NCKAP5: variants seen among roughly 807,000 people sequenced by gnomAD.
NCKAP5 encodes NCK associated protein 5.
Under a neutral mutation model 167.0 loss-of-function variants are expected in NCKAP5, and 92 were observed. The ratio of observed to expected loss-of-function variants is 0.55; its 90% CI spans 0.47 to 0.66. NCKAP5 has a LOEUF of 0.66. Ranked by LOEUF, NCKAP5 falls within the 30% of genes least tolerant of loss-of-function variation. The pLI is 0.00. For missense variants in NCKAP5, 2,378 were observed against 2,315.0 expected, an observed-to-expected ratio of 1.03 and a Z score of -0.56; for synonymous variants, 891 against 877.4, an observed-to-expected ratio of 1.02 and a Z score of -0.27.
chr2:133,007,498 T>C (rs2078008542), intron 6 of NCKAP5, among the ~76,000 whole-genome samples: 1 of 152,136 alleles, frequency 6.6e-6, no homozygotes, highest in Admixed American at 6.5e-5. Flanking sequence ...TAGAGAATAA[T>C]CTATTATACT....
At chr2:133,188,018 G>C (rs775203722) in intron 5 of NCKAP5, among the ~76,000 whole-genome samples, 3 of 152,050 alleles carry the variant, frequency 2.0e-5, no homozygotes, top group Admixed American at 6.6e-5. Context: ...CTGTCATCAT[G>C]ATGTTAGCTG....
At chr2:132,819,610 C>A (rs371014023) in intron 11 of NCKAP5, among the ~76,000 whole-genome samples, 1 of 150,974 alleles carries the variant, frequency 6.6e-6, no homozygotes, top group African/African-American at 2.4e-5. Context: ...CTAGGGAGCA[C>A]GGATGAGGAT....
rs772771596 is a variant in NCKAP5 at position 132,782,148 on chromosome 2, T to G, written c.4663A>C (p.Lys1555Gln). The G allele has an allele frequency of 1.2e-6, 2 of 1,609,400 alleles. No homozygotes were observed. The highest frequency in any genetic ancestry group is 1.7e-5 in the Admixed American group (1 of 58,904). The change falls in exon 14 of 20, where the codon AAA becomes CAA. Residue 1555 changes from lysine to glutamine, a missense_variant. Around this residue, in one of 3 missense-constraint regions of NCKAP5, gnomAD observed 1,325 missense variants for 1,274.5 expected, o/e 1.04. Coordinates refer to ENST00000409261, the MANE Select transcript of NCKAP5 (RefSeq NM_207363.3). ...TCACACTGTAGTTCAGGCTTCTTTT[T>G]CTCTTTTTTTCTTTCTGATTTTAGT... The part of the protein sequence containing the change: ...RQLKSERKKE[K>Q]KKPELQCETE...
At chr2:133,097,499 G>T (rs2081379486) in intron 6 of NCKAP5, among the ~76,000 whole-genome samples, 1 of 152,134 alleles carries the variant, frequency 6.6e-6, no homozygotes, top group South Asian at 2.1e-4. Context: ...AGTATCTCAA[G>T]AAAGAGTAAA....
At chr2:132,957,042 T>C (rs1170994898) in intron 8 of NCKAP5, among the ~76,000 whole-genome samples, 1 of 152,156 alleles carries the variant, frequency 6.6e-6, no homozygotes. Context: ...CAAGGCCGAG[T>C]GTCATCTGTA....
At chr2:133,593,220 T>C in the NCKAP5 span, among the ~76,000 whole-genome samples, 125,034 of 152,190 alleles carry the variant, frequency 0.82, 51,455 homozygotes, top group Non-Finnish European at 0.83. Flanking sequence ...ATAGATGATA[T>C]ACACTATCTG....
upstream of NCKAP5, among the ~76,000 whole-genome samples, chr2:133,571,508 C>T (rs1400121344): frequency 6.6e-6 from 1 of 152,136 alleles, no homozygotes; most frequent in African/African-American, 2.4e-5. Context: ...AATGTCCTCT[C>T]TCCCTGAGGC....
At chr2:133,578,428 G>T in the NCKAP5 span, among the ~76,000 whole-genome samples, 3 of 152,248 alleles carry the variant, frequency 2.0e-5, no homozygotes, top group African/African-American at 4.8e-5. Context: ...GACATGCACT[G>T]CATGGGTCCC....
intron 4 of NCKAP5, among the ~76,000 whole-genome samples, chr2:133,289,735 A>C (rs1225478508): frequency 1.3e-5 from 2 of 151,486 alleles, no homozygotes; most frequent in South Asian, 4.2e-4. Flanking sequence ...ACAAAAAAAA[A>C]CAGCACAACT....
intron 2 of NCKAP5, among the ~76,000 whole-genome samples, chr2:133,546,511 C>A (rs1686690474): frequency 6.6e-6 from 1 of 152,086 alleles, no homozygotes; most frequent in South Asian, 2.1e-4. Flanking sequence ...CAAGGGATAT[C>A]ACGCGATGTG....
intron 8 of NCKAP5, among the ~76,000 whole-genome samples, chr2:132,956,140 T>C (rs1025739407): frequency 3.3e-5 from 5 of 152,234 alleles, no homozygotes; most frequent in Non-Finnish European, 5.9e-5. Flanking sequence ...ATATGTTAAC[T>C]AGCTTGATGT....
chr2:133,567,113 G>A (rs1424732066), intron 1 of NCKAP5, among the ~76,000 whole-genome samples: 3 of 152,206 alleles, frequency 2.0e-5, no homozygotes, highest in East Asian at 1.9e-4. Context: ...GTTCACATGC[G>A]GAGCTAACAG....
At chr2:132,805,270 A>T (rs1178259120) in intron 11 of NCKAP5, among the ~76,000 whole-genome samples, 1 of 152,164 alleles carries the variant, frequency 6.6e-6, no homozygotes, top group Non-Finnish European at 1.5e-5. Context: ...GAGCTAAAAA[A>T]ATCTTGCCTA....
chr2:133,494,240 T>C (rs1489020296), intron 3 of NCKAP5, among the ~76,000 whole-genome samples: 1 of 152,208 alleles, frequency 6.6e-6, no homozygotes, highest in Non-Finnish European at 1.5e-5. Flanking sequence ...CCAAAAACCA[T>C]ACAGGCTTAC....
chr2:133,018,011 C>A (rs1036161099), intron 6 of NCKAP5, among the ~76,000 whole-genome samples: 12 of 152,152 alleles, frequency 7.9e-5, no homozygotes, highest in Non-Finnish European at 1.8e-4. Flanking sequence ...ACCATACTGC[C>A]CCAGGAAGCT....
intron 4 of NCKAP5, among the ~76,000 whole-genome samples, chr2:133,282,079 G>T (rs1227576726): frequency 6.6e-6 from 1 of 152,074 alleles, no homozygotes; most frequent in Admixed American, 6.6e-5. Flanking sequence ...AATGTTTAGG[G>T]TAATGATTAA....
intron 3 of NCKAP5, among the ~76,000 whole-genome samples, chr2:133,481,973 C>T (rs988543041): frequency 6.6e-6 from 1 of 152,132 alleles, no homozygotes; most frequent in African/African-American, 2.4e-5. Context: ...CTTCTCTTCA[C>T]CCACCCTCTC....
At chr2:133,568,012 C>G (rs1688691561) in intron 1 of NCKAP5, among the ~76,000 whole-genome samples, 1 of 152,162 alleles carries the variant, frequency 6.6e-6, no homozygotes, top group African/African-American at 2.4e-5. Flanking sequence ...GGTATTTGTT[C>G]TCAGAGACAA....
At chr2:133,376,372 A>G (rs981976307) in intron 3 of NCKAP5, among the ~76,000 whole-genome samples, 2 of 152,200 alleles carry the variant, frequency 1.3e-5, no homozygotes, top group African/African-American at 4.8e-5. Context: ...CAAACAAGGA[A>G]TCTGGGAATC....
Sources: allele counts gnomAD v4.1 joint callset (sites outside exome capture counted in the v4.1 genomes callset), GRCh38; gene constraint gnomAD v4.1.1; regional missense constraint gnomAD v4.1.1; transcripts MANE v1.5; gene names NCBI Gene and HGNC (gene_info 2026-07-23, HGNC 2026-07-21).